MSI2: variants seen among roughly 807,000 people sequenced by gnomAD.
MSI2 encodes musashi RNA binding protein 2, also known as RNA-binding protein Musashi homolog 2.
A neutral mutation model predicts 45.6 loss-of-function variants in MSI2; 17 were observed. That is an observed-to-expected ratio of 0.37 (90% CI 0.26 to 0.56). The LOEUF (loss-of-function observed/expected upper bound fraction) is 0.56, where lower values mean the gene tolerates loss of function less well. MSI2 is among the 20% of genes least tolerant of loss of function. The pLI is 0.77. For missense variants in MSI2, 293 were observed against 444.2 expected, an observed-to-expected ratio of 0.66 and a Z score of 3.06; for synonymous variants, 156 against 158.2, an observed-to-expected ratio of 0.99 and a Z score of 0.11.
intron 10 of MSI2, among the ~76,000 whole-genome samples, chr17:57,644,923 A>G (rs957810189): frequency 6.6e-6 from 1 of 152,156 alleles, no homozygotes; most frequent in Non-Finnish European, 1.5e-5. Flanking sequence ...CACCAAAATA[A>G]GTAGCAACTG....
At chr17:57,578,464 G>T (rs2144352839) in intron 7 of MSI2, among the ~76,000 whole-genome samples, 1 of 151,914 alleles carries the variant, frequency 6.6e-6, no homozygotes, top group East Asian at 1.9e-4. Context: ...TTCTGCTTGA[G>T]AGGTGCCAGG....
intron 6 of MSI2, among the ~76,000 whole-genome samples, chr17:57,526,328 G>A (rs2086694606): frequency 6.6e-6 from 1 of 150,886 alleles, no homozygotes; most frequent in South Asian, 2.1e-4. Flanking sequence ...TCATGTTGAT[G>A]AGTCTTCATA....
chr17:57,514,190 C>T (rs867486769), intron 6 of MSI2, among the ~76,000 whole-genome samples: 5 of 148,170 alleles, frequency 3.4e-5, no homozygotes, highest in African/African-American at 1.2e-4. Context: ...TAGCGCCTGA[C>T]AGTTTTCCAG....
intron 6 of MSI2, among the ~76,000 whole-genome samples, chr17:57,468,825 G>A (rs768736577): frequency 1.4e-4 from 21 of 152,106 alleles, no homozygotes; most frequent in Non-Finnish European, 2.2e-4. Context: ...GATGGCGAGC[G>A]CTGGGGAGAT....
chr17:57,323,472 C>A (rs1211842523), intron 5 of MSI2, among the ~76,000 whole-genome samples: 6 of 152,238 alleles, frequency 3.9e-5, no homozygotes, highest in Non-Finnish European at 8.8e-5. Flanking sequence ...TCCCAAAGAT[C>A]CAGGTTCCCC....
intron 5 of MSI2, among the ~76,000 whole-genome samples, chr17:57,371,814 G>A (rs2083425617): frequency 6.6e-6 from 1 of 151,756 alleles, no homozygotes; most frequent in African/African-American, 2.4e-5. Flanking sequence ...TGTTTACCTA[G>A]AAGTGGAATT....
At position 57,400,202 on chromosome 17, in the gene MSI2, C is replaced by T. The variant is rs1378425824; in HGVS notation, c.313-1177C>T. On this transcript the variant is annotated intron_variant, in intron 5 of 13. Coordinates refer to ENST00000284073, the MANE Select transcript of MSI2 (RefSeq NM_138962.4). ...TTTATTTTCTTGATTTTGGCTCCTACGTGTAAGATTTTGGTTCCCACTCTG... is the reference window on the plus strand; with the variant it reads ...TTTATTTTCTTGATTTTGGCTCCTATGTGTAAGATTTTGGTTCCCACTCTG... Among the ~76,000 whole-genome samples the T allele has an allele frequency of 2.7e-5, 4 of 150,836 alleles. No individual in the cohort carries two copies. The East Asian group carries it at 5.8e-4, about 22-fold the overall frequency.
chr17:57,615,229 G>A (rs547855729), intron 8 of MSI2, among the ~76,000 whole-genome samples: 36 of 151,626 alleles, frequency 2.4e-4, no homozygotes, highest in Admixed American at 9.2e-4. Context: ...CCAGACTCAG[G>A]TGATCCCCCT....
At chr17:57,366,479 A>T (rs1193681147) in intron 5 of MSI2, among the ~76,000 whole-genome samples, 1 of 152,200 alleles carries the variant, frequency 6.6e-6, no homozygotes, top group East Asian at 1.9e-4. Flanking sequence ...GGAAAGAAGA[A>T]ATGAGAGACA....
At chr17:57,257,439 C>CA in intron 2 of MSI2, 27 bp from the exon 3 acceptor site, 2 of 1,228,380 alleles carry the variant, frequency 1.6e-6, no homozygotes, top group Non-Finnish European at 1.2e-6. Context: ...CTCTCCCCCC[C>CA]CCATCTCTCT....
intron 11 of MSI2, among the ~76,000 whole-genome samples, chr17:57,666,055 A>G (rs1336703982): frequency 6.6e-6 from 1 of 152,118 alleles, no homozygotes; most frequent in Non-Finnish European, 1.5e-5. Flanking sequence ...GAAAGGCAAC[A>G]GGGTCCAAGC....
intron 10 of MSI2, among the ~76,000 whole-genome samples, chr17:57,641,110 T>C (rs1221465129): frequency 6.6e-6 from 1 of 152,180 alleles, no homozygotes; most frequent in East Asian, 1.9e-4. Context: ...CCCTGACTGC[T>C]CCACAGTCTA....
chr17:57,318,486 TAG>T (rs1913050254), intron 5 of MSI2, among the ~76,000 whole-genome samples: 1 of 152,072 alleles, frequency 6.6e-6, no homozygotes, highest in African/African-American at 2.4e-5. Context: ...TTCGCCTGTT[TAG>T]AGAGTGTGGC....
At chr17:57,634,424 C>T (rs60203320) in intron 10 of MSI2, among the ~76,000 whole-genome samples, 19,457 of 151,596 alleles carry the variant, frequency 0.13, 1,637 homozygotes, top group East Asian at 0.4. Flanking sequence ...TGAGATCACG[C>T]GGTTGCACTC....
rs537808725 is a variant in MSI2, at chr17:57,352,443, C to T, written c.313-48936C>T. Among the ~76,000 whole-genome samples, 15 of 152,260 alleles carry T rather than the reference C, an allele frequency of 9.9e-5. 1 individual carries two copies. In the South Asian group the frequency reaches 3.1e-3, roughly 32 times the overall value. ...AGGGGAGGAAATAGGACTCTAAGAC[C>T]TTGGCGGAAAAGAGAAGGGAAGCAG... On this transcript the variant is annotated intron_variant, in intron 5 of 13. Transcript: ENST00000284073.
chr17:57,292,049 G>C (rs1464097482), intron 5 of MSI2, among the ~76,000 whole-genome samples: 1 of 152,076 alleles, frequency 6.6e-6, no homozygotes, highest in Non-Finnish European at 1.5e-5. Context: ...CCCCTCCTCA[G>C]GAGGGCTAGT....
chr17:57,476,622 T>C (rs1178033585), intron 6 of MSI2, among the ~76,000 whole-genome samples: 1 of 152,212 alleles, frequency 6.6e-6, no homozygotes, highest in Non-Finnish European at 1.5e-5. Flanking sequence ...TACCGGTTGA[T>C]TCAGGGATCC....
At chr17:57,305,122 A>G (rs1358192434) in intron 5 of MSI2, among the ~76,000 whole-genome samples, 2 of 152,182 alleles carry the variant, frequency 1.3e-5, no homozygotes, top group South Asian at 2.1e-4. Flanking sequence ...GAAGAGTGAT[A>G]GGTGGCCCCA....
chr17:57,358,413 G>T (rs947608618), intron 5 of MSI2, among the ~76,000 whole-genome samples: 5 of 152,128 alleles, frequency 3.3e-5, no homozygotes, highest in Non-Finnish European at 7.3e-5. Flanking sequence ...TCCATTTGAA[G>T]GAAGGAAGCA....
Sources: gnomAD v4.1 joint callset for allele counts (sites outside exome capture counted in the v4.1 genomes callset) on GRCh38, gnomAD v4.1.1 for gene constraint, MANE v1.5 for transcripts, NCBI Gene and HGNC (gene_info 2026-07-23, HGNC 2026-07-21) for gene names.